CAMK2D: variants seen among roughly 807,000 people sequenced by gnomAD.
CAMK2D encodes calcium/calmodulin-dependent protein kinase type II subunit delta.
In CAMK2D, 37 loss-of-function variants were observed where a neutral mutation model predicts 84.0. The observed-to-expected ratio is 0.44, with a 90% confidence interval of 0.34 to 0.58. CAMK2D has a LOEUF of 0.58. Ranked by LOEUF, CAMK2D falls within the 20% of genes least tolerant of loss-of-function variation. The pLI, the probability that CAMK2D is intolerant of heterozygous loss-of-function variation, is 0.02. For synonymous variants in CAMK2D, 202 were observed against 212.5 expected, an observed-to-expected ratio of 0.95 and a Z score of 0.43; for missense variants, 448 against 652.5, an observed-to-expected ratio of 0.69 and a Z score of 3.41.
chr4:113,543,407 T>TG (rs553968500), intron 6 of CAMK2D, among the ~76,000 whole-genome samples: 70 of 148,626 alleles, frequency 4.7e-4, no homozygotes, highest in Admixed American at 6.1e-4. Flanking sequence ...TTTGTAGGGA[T>TG]GGGGGGTCTT....
At chr4:113,516,180 G>A (rs1365520445) in intron 9 of CAMK2D, among the ~76,000 whole-genome samples, 1 of 152,084 alleles carries the variant, frequency 6.6e-6, no homozygotes, top group Non-Finnish European at 1.5e-5. Context: ...GCATAATAAA[G>A]CATGAGAAAA....
chr4:113,595,464 G>T (rs80316269), intron 4 of CAMK2D, among the ~76,000 whole-genome samples: 2 of 140,446 alleles, frequency 1.4e-5, no homozygotes, highest in Admixed American at 8.8e-5. Context: ...GTGTGTGTGT[G>T]TGTGTGTGTG....
At chr4:113,643,622 T>C (rs2099140663) in intron 3 of CAMK2D, among the ~76,000 whole-genome samples, 1 of 152,248 alleles carries the variant, frequency 6.6e-6, no homozygotes, top group Non-Finnish European at 1.5e-5. Context: ...TCTACATCTA[T>C]GTACAAAAGT....
chr4:113,649,744 C>G (rs2099165491), intron 3 of CAMK2D, among the ~76,000 whole-genome samples: 1 of 152,174 alleles, frequency 6.6e-6, no homozygotes, highest in African/African-American at 2.4e-5. Context: ...TTAGCTACAA[C>G]AGAGTTAGCG....
intron 4 of CAMK2D, among the ~76,000 whole-genome samples, chr4:113,554,464 G>A (rs1174820084): frequency 6.6e-6 from 1 of 152,114 alleles, no homozygotes; most frequent in African/African-American, 2.4e-5. Context: ...ACAAATTTGA[G>A]GGGTGTAGAG....
rs112351191 is a variant in CAMK2D, at chr4:113,616,614, G to A, written c.221-7408C>T. 2.1e-3 allele frequency among the ~76,000 whole-genome samples: 313 copies of A among 152,268 alleles called. 1 individual carries two copies. The highest frequency in any genetic ancestry group is 7.1e-3 in the African/African-American group (295 of 41,570). ...GAGATATGATCAGTAACTGTTGACT[G>A]TATGGGTATCAGCCACATCTATCAC... On this transcript the variant is annotated intron_variant, in intron 3 of 20. Transcript: ENST00000511664.
chr4:113,485,463 A>G (rs2097757300), intron 16 of CAMK2D, among the ~76,000 whole-genome samples: 1 of 152,194 alleles, frequency 6.6e-6, no homozygotes, highest in Non-Finnish European at 1.5e-5. Flanking sequence ...TTAGCCTACA[A>G]ACTTGATCTA....
Position 113,661,910 on chromosome 4 carries a change from T to G in CAMK2D, c.161-138A>C, listed in dbSNP as rs552621291. On this transcript the variant is annotated intron_variant, in intron 2 of 20. Coordinates refer to ENST00000511664, the MANE Select transcript of CAMK2D (RefSeq NM_001321571.2). ...ATTTTGAAACAATGATAATTCAAAT[T>G]TAGAATTAAGTGAATAGCACATAGT... 49 of 590,230 alleles carry G rather than the reference T, an allele frequency of 8.3e-5. 1 individual carries two copies. In the South Asian group the frequency reaches 9.7e-4, roughly 12 times the overall value. The allele number at this position is 590,230 out of a possible 1,614,324, so 36.6% of individuals were successfully genotyped here.
At chr4:113,736,799 T>C (rs2099582366) in intron 2 of CAMK2D, among the ~76,000 whole-genome samples, 1 of 152,106 alleles carries the variant, frequency 6.6e-6, no homozygotes, top group Admixed American at 6.5e-5. Context: ...AGCTAAAAGT[T>C]TAAAAAGGCA....
At chr4:113,507,360 C>G (rs1427218480) in intron 13 of CAMK2D, among the ~76,000 whole-genome samples, 1 of 151,814 alleles carries the variant, frequency 6.6e-6, no homozygotes, top group Non-Finnish European at 1.5e-5. Flanking sequence ...AAGTGATTCT[C>G]CCGCCTCAGC....
At chr4:113,564,186 G>C (rs1201222942) in intron 4 of CAMK2D, among the ~76,000 whole-genome samples, 1 of 152,100 alleles carries the variant, frequency 6.6e-6, no homozygotes, top group Non-Finnish European at 1.5e-5. Flanking sequence ...CCTCCTCCTT[G>C]GAAAGCTAAC....
rs529322070 is a variant in CAMK2D at position 113,451,152 on chromosome 4, C to T, written c.*3393G>A. The T allele has an allele frequency of 6.6e-6, 1 of 152,128 alleles. No individual in the cohort carries two copies. The highest frequency in any genetic ancestry group is 2.1e-4 in the South Asian group (1 of 4,818). The allele number at this position is 152,128 out of a possible 1,614,324, so 9.4% of individuals were successfully genotyped here. ...AAAATTTGGGTGAAGATTAATATTC[C>T]TTGAAAATTTCCTTAGAATATACTG... On this transcript the variant is annotated 3_prime_UTR_variant, in exon 21 of 21. Coordinates refer to ENST00000511664, the MANE Select transcript of CAMK2D (RefSeq NM_001321571.2).
At chr4:113,583,419 T>C (rs1481608814) in intron 4 of CAMK2D, among the ~76,000 whole-genome samples, 3 of 152,262 alleles carry the variant, frequency 2.0e-5, no homozygotes, top group African/African-American at 7.2e-5. Flanking sequence ...TTTCCCAGGA[T>C]AAAAGGTTAA....
rs181038184 is a variant in CAMK2D at position 113,453,083 on chromosome 4, G to C, written c.*1462C>G. 58 of 152,264 alleles carry C rather than the reference G, an allele frequency of 3.8e-4. No individual in the cohort carries two copies. The highest frequency in any genetic ancestry group is 1.3e-3 in the African/African-American group (52 of 41,554). The allele number at this position is 152,264 out of a possible 1,614,324, so 9.4% of individuals were successfully genotyped here. A position where few individuals can be genotyped will look rare whatever the true frequency, so the allele number is the denominator to read the frequency against. Reference sequence around the variant, plus strand: ...TCCATGCACTGTAAAGCACTTCAGGGAAGAGAACAAAAATCACAGGAATTG... The same window carrying C: ...TCCATGCACTGTAAAGCACTTCAGGCAAGAGAACAAAAATCACAGGAATTG... On this transcript the variant is annotated 3_prime_UTR_variant, in exon 21 of 21. Transcript: ENST00000511664.
chr4:113,587,740 G>T (rs991940729), intron 4 of CAMK2D, among the ~76,000 whole-genome samples: 12 of 152,072 alleles, frequency 7.9e-5, no homozygotes, highest in African/African-American at 2.9e-4. Flanking sequence ...CAAACTCTGG[G>T]CCTAAATTTT....
intron 2 of CAMK2D, among the ~76,000 whole-genome samples, chr4:113,717,432 T>G (rs1412513542): frequency 6.6e-6 from 1 of 152,126 alleles, no homozygotes; most frequent in Non-Finnish European, 1.5e-5. Flanking sequence ...TATAATCAAC[T>G]TTTATAGAAT....
At chr4:113,656,837 C>T (rs2099203035) in intron 3 of CAMK2D, among the ~76,000 whole-genome samples, 1 of 152,160 alleles carries the variant, frequency 6.6e-6, no homozygotes. Flanking sequence ...CCAAGACTCT[C>T]TCCCTAACCA....
At chr4:113,593,001 G>A (rs1430998302) in intron 4 of CAMK2D, among the ~76,000 whole-genome samples, 1 of 152,022 alleles carries the variant, frequency 6.6e-6, no homozygotes, top group Non-Finnish European at 1.5e-5. Context: ...TTACAGGTGT[G>A]TGCCACCATG....
intron 16 of CAMK2D, among the ~76,000 whole-genome samples, chr4:113,494,076 C>T (rs1372263807): frequency 2.6e-5 from 4 of 152,098 alleles, no homozygotes; most frequent in Non-Finnish European, 5.9e-5. Flanking sequence ...AACTTCTTTG[C>T]CTTTGGTTTG....
Sources: allele counts gnomAD v4.1 joint callset (sites outside exome capture counted in the v4.1 genomes callset), GRCh38; gene constraint gnomAD v4.1.1; transcripts MANE v1.5; gene names NCBI Gene and HGNC (gene_info 2026-07-23, HGNC 2026-07-21).